The following WWC2 variants were observed in gnomAD, a reference collection of about 807,000 sequenced individuals.
The protein encoded by WWC2 is WW and C2 domain containing 2, also known as protein WWC2.
WWC2 carries 101 observed loss-of-function variants against 138.5 expected under a neutral mutation model. The ratio of observed to expected loss-of-function variants is 0.73; its 90% confidence interval spans 0.62 to 0.86. The LOEUF is 0.86. WWC2 is among the 40% of genes least tolerant of loss of function. The pLI, the probability that WWC2 is intolerant of heterozygous loss-of-function variation, is 0.00. For synonymous variants in WWC2, 558 were observed against 538.4 expected, an observed-to-expected ratio of 1.04 and a Z score of -0.50; for missense variants, 1,420 against 1,419.4, an observed-to-expected ratio of 1.00 and a Z score of -0.01.
At chr4:183,212,751 ATGGAGCC>A (rs1035583259) in intron 4 of WWC2, among the ~76,000 whole-genome samples, 1 of 152,196 alleles carries the variant, frequency 6.6e-6, no homozygotes, top group Non-Finnish European at 1.5e-5. Flanking sequence ...TTAGAAGGAA[ATGGAGCC>A]TCATCCCAAT....
chr4:183,269,727 AG>A (rs1737638163), intron 15 of WWC2: 1 of 291,300 alleles, frequency 3.4e-6, no homozygotes, highest in Non-Finnish European at 6.9e-6. Flanking sequence ...AGTACTATAT[AG>A]TACCCTTATT....
intron 11 of WWC2, among the ~76,000 whole-genome samples, chr4:183,262,723 CAGAA>C (rs1737368773): frequency 6.6e-6 from 1 of 152,182 alleles, no homozygotes; most frequent in African/African-American, 2.4e-5. Context: ...CCCAACAAAA[CAGAA>C]AGCCGCGTGG....
chr4:183,199,314 G>C (rs1735237764), intron 2 of WWC2, among the ~76,000 whole-genome samples: 1 of 151,738 alleles, frequency 6.6e-6, no homozygotes, highest in Non-Finnish European at 1.5e-5. Context: ...CTTTAATTAA[G>C]CCTGTTCCAC....
At chr4:183,305,093 A>T (rs548173037) in intron 21 of WWC2, among the ~76,000 whole-genome samples, 1 of 152,356 alleles carries the variant, frequency 6.6e-6, no homozygotes, top group South Asian at 2.1e-4. Flanking sequence ...TAGAGATCAA[A>T]AACACTGTAA....
rs78246502 is a variant in WWC2, at chr4:183,285,803, T to C, written c.3049-164T>C. 3.3e-5 allele frequency among the ~76,000 whole-genome samples: 5 copies of C among 152,272 alleles called. No individual in the cohort carries two copies. The East Asian group carries it at 9.6e-4, about 29-fold the overall frequency. On this transcript the variant is annotated intron_variant, in intron 19 of 22. Transcript: ENST00000403733. ...TAAGTAATTTAGGAAAATGAAGTTA[T>C]TTAACAAAATAGAACAGGAAAAACT...
chr4:183,240,153 A>G lies in WWC2; in HGVS notation c.523-30A>G, dbSNP rs749409195. 22 of 1,490,628 alleles carry G rather than the reference A, an allele frequency of 1.5e-5. No homozygotes were observed. The South Asian group carries it at 2.6e-4, about 17-fold the overall frequency. 92.3% of individuals were successfully genotyped at this position (1,490,628 alleles called of 1,614,324 possible). ...ACTGTGTTGCTAATTATCTGCAAAC[A>G]TTAATGTTTATGTTGATTTCTCTTT... On this transcript the variant is annotated intron_variant, in intron 4 of 22. Coordinates refer to ENST00000403733, the MANE Select transcript of WWC2 (RefSeq NM_024949.6).
intron 4 of WWC2, among the ~76,000 whole-genome samples, chr4:183,235,558 T>C (rs1420884985): frequency 1.3e-5 from 2 of 152,212 alleles, no homozygotes; most frequent in Non-Finnish European, 2.9e-5. Flanking sequence ...CTATTTTAGA[T>C]ACTTTATATA....
intron 4 of WWC2, among the ~76,000 whole-genome samples, chr4:183,236,048 G>T (rs1002885998): frequency 1.3e-5 from 2 of 152,138 alleles, no homozygotes; most frequent in African/African-American, 4.8e-5. Flanking sequence ...AGAGATAGGG[G>T]TCTAGATTCA....
At chr4:183,248,909 C>A in intron 7 of WWC2, 49 bp downstream of exon 7, 1 of 1,454,250 alleles carries the variant, frequency 6.9e-7, no homozygotes, top group Non-Finnish European at 9.3e-7. Context: ...CTTGATGGGC[C>A]TTAATTGCAA....
intron 4 of WWC2, among the ~76,000 whole-genome samples, chr4:183,239,685 A>G (rs1736555111): frequency 6.6e-6 from 1 of 152,048 alleles, no homozygotes; most frequent in East Asian, 1.9e-4. Context: ...TGGCAGGGGC[A>G]GGGGGGCTAG....
intron 1 of WWC2, among the ~76,000 whole-genome samples, chr4:183,170,833 C>T (rs1223394079): frequency 7.9e-6 from 1 of 126,664 alleles, no homozygotes; most frequent in Non-Finnish European, 1.6e-5. Context: ...GCTGGGACTA[C>T]ACTAGCTAAT....
At chr4:183,164,310 ATT>A (rs1734054428) in intron 1 of WWC2, among the ~76,000 whole-genome samples, 5 of 338 alleles carry the variant, frequency 0.015, no homozygotes, top group African/African-American at 0.022. Context: ...ACATATATAT[ATT>A]ATATATACAT....
intron 2 of WWC2, among the ~76,000 whole-genome samples, chr4:183,202,601 G>A (rs1253604800): frequency 6.6e-6 from 1 of 152,186 alleles, no homozygotes; most frequent in Admixed American, 6.5e-5. Flanking sequence ...AGGGAGCAGA[G>A]TGGATATAAT....
chr4:183,191,165 G>A (rs1250274815), intron 1 of WWC2, among the ~76,000 whole-genome samples: 1 of 152,034 alleles, frequency 6.6e-6, no homozygotes, highest in Non-Finnish European at 1.5e-5. Context: ...GTGTCCTAGG[G>A]TGTAGGAATT....
Position 183,274,098 on chromosome 4 carries a change from A to G in WWC2, c.2562+2857A>G, listed in dbSNP as rs147511268. On this transcript the variant is annotated intron_variant, in intron 16 of 22. Transcript: ENST00000403733. ...TAATCCACATGTCTGTACTTAAGCT[A>G]GTACTGCACTGCTTTGATTACTATA... is the stretch of plus-strand genomic sequence containing the variant. 3.7e-3 allele frequency among the ~76,000 whole-genome samples: 561 copies of G among 152,350 alleles called. 3 individuals are homozygous for G. Among genetic ancestry groups the G allele is most frequent in the African/African-American group, 0.013 (539 of 41,588 alleles).
intron 2 of WWC2, among the ~76,000 whole-genome samples, chr4:183,203,306 A>C (rs1437295576): frequency 1.3e-5 from 2 of 151,116 alleles, no homozygotes; most frequent in African/African-American, 2.4e-5. Flanking sequence ...TTTCCTGTTT[A>C]GTTTTTCACA....
rs753265672 is a variant in WWC2, at chr4:183,282,875, G to T, written c.2852G>T (p.Arg951Ile). ...GAAAGCAACTGTGCCAAAGACCTCA[G>T]AAGTCAGCCACCTACTAGAATACCA... ...RKESNCAKDL[R>I]SQPPTRIPTL... Residue 951 changes from arginine to isoleucine, a missense_variant, in exon 18 of 23, where the codon AGA (arginine) becomes ATA (isoleucine). By Grantham distance (97) the Arg-to-Ile change is moderately conservative (BLOSUM62 -3). Transcript: ENST00000403733. The T allele has an allele frequency of 6.3e-7, 1 of 1,589,046 alleles. No individual in the cohort carries two copies. Among genetic ancestry groups the T allele is most frequent in the South Asian group, 1.2e-5 (1 of 86,792 alleles).
rs748371132 is a variant in WWC2 at position 183,320,252 on chromosome 4, C to T, written c.*4523C>T. On this transcript the variant is annotated 3_prime_UTR_variant, in exon 23 of 23. Transcript: ENST00000403733. ...CCTGAGAGCTTTAGCCAAACTAACT[C>T]CTGCCCTTCGGTTGCTGTGAAAAGA... 1.3e-6 allele frequency: 2 copies of T among 1,570,986 alleles called. No individual in the cohort carries two copies. The highest frequency in any genetic ancestry group is 4.5e-5 in the East Asian group (2 of 44,572).
intron 16 of WWC2, among the ~76,000 whole-genome samples, chr4:183,272,930 T>C (rs1737735624): frequency 6.6e-6 from 1 of 152,234 alleles, no homozygotes; most frequent in East Asian, 1.9e-4. Flanking sequence ...CAAGTGTTTT[T>C]GTGGACATAT....
Sources: allele counts gnomAD v4.1 joint callset (sites outside exome capture counted in the v4.1 genomes callset), GRCh38; gene constraint gnomAD v4.1.1; transcripts MANE v1.5; gene names NCBI Gene and HGNC (gene_info 2026-07-23, HGNC 2026-07-21).